The following NRG3 variants were observed in gnomAD, a reference collection of about 807,000 sequenced individuals.
NRG3 encodes neuregulin 3.
A neutral mutation model predicts 66.9 loss-of-function variants in NRG3; 31 were observed. That is an observed-to-expected ratio of 0.46 (90% CI 0.35 to 0.63). The LOEUF (loss-of-function observed/expected upper bound fraction) is 0.63, where lower values mean the gene tolerates loss of function less well. NRG3 is among the 20% of genes least tolerant of loss of function. The pLI is 0.00. For synonymous variants in NRG3, 393 were observed against 359.4 expected (o/e 1.09, Z -1.06); for missense variants, 910 against 878.9 (o/e 1.04, Z -0.45).
At chr10:82,762,690 G>T (rs950279215) in intron 3 of NRG3, among the ~76,000 whole-genome samples, 1 of 152,184 alleles carries the variant, frequency 6.6e-6, no homozygotes, top group East Asian at 1.9e-4. Flanking sequence ...TTTATTCAAT[G>T]TATTCAACTC....
At chr10:82,139,612 CTTACA>C (rs1422957772) in intron 1 of NRG3, among the ~76,000 whole-genome samples, 2 of 152,100 alleles carry the variant, frequency 1.3e-5, no homozygotes, top group Non-Finnish European at 2.9e-5. Context: ...TATTGTGACA[CTTACA>C]TTACTGTTGA....
chr10:82,821,875 T>C (rs1349400910), intron 3 of NRG3, among the ~76,000 whole-genome samples: 1 of 152,158 alleles, frequency 6.6e-6, no homozygotes, highest in East Asian at 1.9e-4. Flanking sequence ...CCACTTCCCT[T>C]TTTGATCTAA....
chr10:82,469,619 G>A (rs1841037389), intron 2 of NRG3, among the ~76,000 whole-genome samples: 2 of 152,144 alleles, frequency 1.3e-5, no homozygotes, highest in Admixed American at 1.3e-4. Flanking sequence ...GGCATATCAG[G>A]GACCAATTGT....
chr10:82,417,184 AAGT>A (rs1354736295), intron 2 of NRG3, among the ~76,000 whole-genome samples: 3 of 152,186 alleles, frequency 2.0e-5, no homozygotes, highest in Non-Finnish European at 4.4e-5. Context: ...TCCAAAATTA[AAGT>A]AACAACTTTT....
intron 2 of NRG3, among the ~76,000 whole-genome samples, chr10:82,574,227 T>C (rs1053304830): frequency 1.3e-5 from 2 of 151,670 alleles, no homozygotes; most frequent in African/African-American, 4.8e-5. Context: ...AACCATATCA[T>C]TTGCAGCAAC....
intron 2 of NRG3, among the ~76,000 whole-genome samples, chr10:82,734,825 T>G (rs1405509686): frequency 6.6e-6 from 1 of 151,900 alleles, no homozygotes; most frequent in East Asian, 1.9e-4. Flanking sequence ...TGAGACCAAC[T>G]TCGGCAACCT....
At chr10:82,448,014 G>A (rs981772286) in intron 2 of NRG3, among the ~76,000 whole-genome samples, 26 of 152,172 alleles carry the variant, frequency 1.7e-4, no homozygotes, top group African/African-American at 6.0e-4. Context: ...GGGTAAATGA[G>A]GGATGGTGAC....
At chr10:82,735,024 A>G (rs1041365134) in intron 2 of NRG3, among the ~76,000 whole-genome samples, 1 of 151,966 alleles carries the variant, frequency 6.6e-6, no homozygotes, top group African/African-American at 2.4e-5. Flanking sequence ...AAAAGAAAAA[A>G]AAAAGAAGGG....
intron 2 of NRG3, among the ~76,000 whole-genome samples, chr10:82,596,303 C>G (rs949778886): frequency 6.6e-6 from 1 of 152,094 alleles, no homozygotes; most frequent in Non-Finnish European, 1.5e-5. Context: ...AAATGGAGGA[C>G]CTGTAGGCCA....
At chr10:82,521,551 A>G (rs1025168734) in intron 2 of NRG3, among the ~76,000 whole-genome samples, 1 of 152,096 alleles carries the variant, frequency 6.6e-6, no homozygotes, top group Admixed American at 6.6e-5. Flanking sequence ...CGTGTTAGCC[A>G]GGATGGTCTC....
At chr10:82,901,448 C>CA (rs147812816) in intron 4 of NRG3, among the ~76,000 whole-genome samples, 6,006 of 151,284 alleles carry the variant, frequency 0.04, 135 homozygotes, top group Middle Eastern at 0.092. Flanking sequence ...GGATGGAAGC[C>CA]AAAAAAAATA....
chr10:82,660,380 C>G (rs560989106), intron 2 of NRG3, among the ~76,000 whole-genome samples: 1 of 152,008 alleles, frequency 6.6e-6, no homozygotes, highest in East Asian at 1.9e-4. Context: ...TATTGGAACA[C>G]TTGATGAAAG....
chr10:81,992,752 A>G (rs1184598170), intron 1 of NRG3, among the ~76,000 whole-genome samples: 1 of 152,048 alleles, frequency 6.6e-6, no homozygotes, highest in Non-Finnish European at 1.5e-5. Flanking sequence ...CTCTCACACC[A>G]TTGTCACAGC....
chr10:82,186,468 G>A (rs1346241150), intron 1 of NRG3, among the ~76,000 whole-genome samples: 3 of 152,126 alleles, frequency 2.0e-5, no homozygotes, highest in Non-Finnish European at 2.9e-5. Flanking sequence ...TGACCACTGA[G>A]GTCCACTTCC....
At chr10:82,411,402 GC>G (rs1206938621) in intron 2 of NRG3, among the ~76,000 whole-genome samples, 1 of 152,164 alleles carries the variant, frequency 6.6e-6, no homozygotes, top group Non-Finnish European at 1.5e-5. Context: ...AGGAATGGAG[GC>G]TGAGGAAGCC....
intron 2 of NRG3, among the ~76,000 whole-genome samples, chr10:82,401,346 T>C (rs2087089528): frequency 6.6e-6 from 1 of 151,856 alleles, no homozygotes; most frequent in African/African-American, 2.4e-5. Flanking sequence ...GTATATAAAT[T>C]ATATGTATAT....
chr10:82,409,098 T>A (rs1304787851), intron 2 of NRG3, among the ~76,000 whole-genome samples: 1 of 152,042 alleles, frequency 6.6e-6, no homozygotes, highest in Non-Finnish European at 1.5e-5. Context: ...GCAGGGAGAA[T>A]TCAGTCCAAA....
At chr10:82,266,685 C>T (rs1365315052) in intron 1 of NRG3, among the ~76,000 whole-genome samples, 1 of 152,120 alleles carries the variant, frequency 6.6e-6, no homozygotes, top group Non-Finnish European at 1.5e-5. Context: ...CTACCAAAAA[C>T]CTTGCAACAT....
chr10:82,119,597 C>A (rs761781942), intron 1 of NRG3, among the ~76,000 whole-genome samples: 4 of 152,244 alleles, frequency 2.6e-5, no homozygotes, highest in Non-Finnish European at 5.9e-5. Context: ...CTTGGCTACT[C>A]ACTACCTAGA....
Sources: gnomAD v4.1 joint callset for allele counts (sites outside exome capture counted in the v4.1 genomes callset) on GRCh38, gnomAD v4.1.1 for gene constraint, MANE v1.5 for transcripts, NCBI Gene and HGNC (gene_info 2026-07-23, HGNC 2026-07-21) for gene names.